PTCHD4: variants seen among roughly 807,000 people sequenced by gnomAD.
The protein encoded by PTCHD4 is patched domain-containing protein 4.
In PTCHD4, 33 loss-of-function variants were observed where a neutral mutation model predicts 58.1. The ratio of observed to expected loss-of-function variants is 0.57; its 90% CI spans 0.43 to 0.76. PTCHD4 has a LOEUF of 0.76. Ranked by LOEUF, PTCHD4 falls within the 30% of genes least tolerant of loss-of-function variation. PTCHD4 has a pLI of 0.00. For synonymous variants in PTCHD4, 478 were observed against 409.6 expected, an observed-to-expected ratio of 1.17 and a Z score of -2.02; for missense variants, 1,058 against 1,027.1, an observed-to-expected ratio of 1.03 and a Z score of -0.41.
At chr6:48,021,576 T>G (rs569864884) in intron 3 of PTCHD4, among the ~76,000 whole-genome samples, 14 of 152,262 alleles carry the variant, frequency 9.2e-5, no homozygotes, top group Admixed American at 7.2e-4. Context: ...GAGTATTTGC[T>G]ATGCATAAAC....
chr6:47,916,443 A>G (rs989472130), intron 4 of PTCHD4, among the ~76,000 whole-genome samples: 4 of 152,062 alleles, frequency 2.6e-5, no homozygotes, highest in African/African-American at 9.7e-5. Context: ...CAGCAGCAGG[A>G]TGGACCATTT....
At chr6:48,033,029 AT>A (rs1223240278) in intron 3 of PTCHD4, among the ~76,000 whole-genome samples, 3 of 152,094 alleles carry the variant, frequency 2.0e-5, no homozygotes, top group Non-Finnish European at 4.4e-5. Flanking sequence ...AGCTAAAAAT[AT>A]TTTTTTTAGA....
intron 3 of PTCHD4, among the ~76,000 whole-genome samples, chr6:48,058,029 T>C (rs368592276): frequency 1.0e-3 from 158 of 152,320 alleles, no homozygotes; most frequent in African/African-American, 3.5e-3. Context: ...AAAAAAGACT[T>C]TGGTTCTGAG....
At chr6:47,902,815 G>T (rs780006042) in intron 4 of PTCHD4, among the ~76,000 whole-genome samples, 1 of 151,972 alleles carries the variant, frequency 6.6e-6, no homozygotes, top group Non-Finnish European at 1.5e-5. Flanking sequence ...TAAAAATTTT[G>T]ATGTTTTTCT....
rs1763585176 is a variant in PTCHD4, at chr6:47,867,032, G to C, written c.*11271C>G. On this transcript the variant is annotated 3_prime_UTR_variant, in exon 5 of 5. Transcript: ENST00000339488. ...TGAAAAGATGATATATTTTACCATA[G>C]GGACATAGTACTTGTTTACAATGTT... Among the ~76,000 whole-genome samples, 1 of 151,732 alleles carries C rather than the reference G, an allele frequency of 6.6e-6. No individual in the cohort carries two copies.
At chr6:47,883,506 A>G (rs936445166) in intron 4 of PTCHD4, among the ~76,000 whole-genome samples, 1 of 152,210 alleles carries the variant, frequency 6.6e-6, no homozygotes, top group Admixed American at 6.5e-5. Context: ...TGCATTTAGA[A>G]TGTCTATATT....
chr6:48,106,601 G>A (rs1454460309), intron 1 of PTCHD4, among the ~76,000 whole-genome samples: 1 of 152,098 alleles, frequency 6.6e-6, no homozygotes, highest in South Asian at 2.1e-4. Context: ...GTTCTGGCCA[G>A]GGCAATCAGG....
chr6:47,967,752 C>T (rs766969864), intron 4 of PTCHD4, among the ~76,000 whole-genome samples: 12 of 152,324 alleles, frequency 7.9e-5, no homozygotes, highest in Admixed American at 2.6e-4. Flanking sequence ...CCCTAAACTT[C>T]ATGAATCAAC....
chr6:47,895,885 A>T (rs891722858), intron 4 of PTCHD4, among the ~76,000 whole-genome samples: 3 of 152,102 alleles, frequency 2.0e-5, no homozygotes, highest in Admixed American at 6.6e-5. Flanking sequence ...TTTTACTCAG[A>T]TGATGTCTGC....
intron 3 of PTCHD4, among the ~76,000 whole-genome samples, chr6:48,016,573 A>C (rs1762875386): frequency 6.6e-6 from 1 of 151,942 alleles, no homozygotes; most frequent in Admixed American, 6.6e-5. Context: ...TCATGATGCT[A>C]TCTCACGGCC....
intron 3 of PTCHD4, among the ~76,000 whole-genome samples, chr6:48,014,110 A>T (rs76343608): frequency 0.21 from 31,338 of 152,056 alleles, 3,396 homozygotes; most frequent in South Asian, 0.32. Flanking sequence ...ACAAATAGAA[A>T]GAATTTCTTA....
At chr6:47,927,312 G>A (rs974755521) in intron 4 of PTCHD4, among the ~76,000 whole-genome samples, 3 of 152,198 alleles carry the variant, frequency 2.0e-5, no homozygotes, top group Non-Finnish European at 4.4e-5. Flanking sequence ...GGTGGTAGTA[G>A]GGATGAACAT....
chr6:47,998,462 A>C (rs1768586135), intron 4 of PTCHD4, among the ~76,000 whole-genome samples: 2 of 152,190 alleles, frequency 1.3e-5, no homozygotes, highest in Admixed American at 1.3e-4. Context: ...AGATTACTAA[A>C]ATGGGTCCAT....
At chr6:47,886,354 T>C (rs1303030940) in intron 4 of PTCHD4, among the ~76,000 whole-genome samples, 2 of 152,214 alleles carry the variant, frequency 1.3e-5, no homozygotes, top group Non-Finnish European at 2.9e-5. Flanking sequence ...TTCTAGTTTA[T>C]TTTAATCAGC....
intron 4 of PTCHD4, among the ~76,000 whole-genome samples, chr6:47,979,890 T>C (rs12199120): frequency 0.049 from 7,428 of 152,112 alleles, 243 homozygotes; most frequent in Middle Eastern, 0.1. Context: ...TTTGCTGTAT[T>C]TTTGATGGCC....
At chr6:47,904,032 A>G (rs565645220) in intron 4 of PTCHD4, among the ~76,000 whole-genome samples, 1 of 152,326 alleles carries the variant, frequency 6.6e-6, no homozygotes, top group Non-Finnish European at 1.5e-5. Context: ...TGAAATGTTC[A>G]AGGAGTGGCC....
rs921964483 is a variant in PTCHD4, at chr6:48,024,282, T to C, written c.418-15168A>G. Among the ~76,000 whole-genome samples, 4 of 152,066 alleles carry C rather than the reference T, an allele frequency of 2.6e-5. No homozygotes were observed. The East Asian group carries it at 7.7e-4, about 29-fold the overall frequency. ...ATATTCTATCAACCCTCAGCTTACA[T>C]TACAAATACAGAAAGTGTCCAGGAC... On this transcript the variant is annotated intron_variant, in intron 3 of 4. Coordinates refer to ENST00000339488, the MANE Select transcript of PTCHD4 (RefSeq NM_001384253.1).
At chr6:47,901,081 G>C (rs1044330971) in intron 4 of PTCHD4, 2 of 150,574 alleles carry the variant, frequency 1.3e-5, no homozygotes, top group African/African-American at 4.9e-5. Context: ...GTGAACCTGG[G>C]AGGCGGAGCT....
chr6:48,008,179 A>G (rs1469312250), intron 4 of PTCHD4, among the ~76,000 whole-genome samples: 1 of 152,154 alleles, frequency 6.6e-6, no homozygotes, highest in Non-Finnish European at 1.5e-5. Flanking sequence ...AAATTAATAA[A>G]CAAAGCTTAC....
Sources: gnomAD v4.1 joint callset for allele counts (sites outside exome capture counted in the v4.1 genomes callset) on GRCh38, gnomAD v4.1.1 for gene constraint, MANE v1.5 for transcripts, NCBI Gene and HGNC (gene_info 2026-07-23, HGNC 2026-07-21) for gene names.